MIOS: variants seen among roughly 807,000 people sequenced by gnomAD.
The protein encoded by MIOS is GATOR2 complex protein MIOS.
A neutral mutation model predicts 96.9 loss-of-function variants in MIOS; 52 were observed. That is an observed-to-expected ratio of 0.54 (90% CI 0.43 to 0.68). The LOEUF is 0.68. MIOS is among the 30% of genes least tolerant of loss of function. The pLI is 0.00. For missense variants in MIOS, 1,005 were observed against 1,052.8 expected, an observed-to-expected ratio of 0.95 and a Z score of 0.63; for synonymous variants, 397 against 359.5, an observed-to-expected ratio of 1.10 and a Z score of -1.18.
chr7:7,606,114 G>T, intron 12 of MIOS, 43 bp downstream of exon 12: 1 of 1,597,740 alleles, frequency 6.3e-7, no homozygotes, highest in Non-Finnish European at 8.5e-7. Context: ...GAGTTATGGG[G>T]GATAACACAG....
chr7:7,606,855 G>A, intron 12 of MIOS, 141 bp from the exon 13 acceptor site: 1 of 623,306 alleles, frequency 1.6e-6, no homozygotes, highest in Non-Finnish European at 2.7e-6. Flanking sequence ...GGAGGCTGAG[G>A]CAGGAGGATC....
At chr7:7,594,763 T>C (rs938912937) in intron 9 of MIOS, among the ~76,000 whole-genome samples, 11 of 150,778 alleles carry the variant, frequency 7.3e-5, no homozygotes, top group Middle Eastern at 3.2e-3. Context: ...AGGTATGATA[T>C]ATAAAGTACA....
intron 6 of MIOS, among the ~76,000 whole-genome samples, chr7:7,585,048 A>G (rs1295163565): frequency 1.3e-5 from 2 of 152,162 alleles, no homozygotes; most frequent in African/African-American, 2.4e-5. Flanking sequence ...ACTTATATAC[A>G]TAAGTGTCTG....
chr7:7,571,448 T>C (rs1783351073), intron 3 of MIOS, among the ~76,000 whole-genome samples: 1 of 152,218 alleles, frequency 6.6e-6, no homozygotes. Context: ...GGATGCTTTG[T>C]AGATAAAACA....
Position 7,589,390 on chromosome 7 carries a change from C to G in MIOS, c.1885-15C>G. The G allele has an allele frequency of 6.2e-7, 1 of 1,609,704 alleles. No individual in the cohort carries two copies. On this transcript the variant is annotated splice_polypyrimidine_tract_variant and intron_variant, in intron 8 of 12. Coordinates refer to ENST00000340080, the MANE Select transcript of MIOS (RefSeq NM_019005.4). ...GAAACAGATTGCTTTAGAAAAATCA[C>G]TTTAAATTTTCCAGTTAAATAGATA...
intron 3 of MIOS, among the ~76,000 whole-genome samples, chr7:7,571,699 A>C (rs2348337): frequency 1.3e-5 from 2 of 151,860 alleles, no homozygotes; most frequent in Non-Finnish European, 2.9e-5. Flanking sequence ...CCCACACACA[A>C]TGACTTTTCT....
rs780573329 is a variant in MIOS at position 7,572,645 on chromosome 7, A to C, written c.170A>C (p.Asn57Thr). The C allele has an allele frequency of 1.2e-6, 2 of 1,614,068 alleles. No individual in the cohort carries two copies. The highest frequency in any genetic ancestry group is 1.7e-5 in the Admixed American group (1 of 60,002). ...TCTGCAGCTACATTACTGTCAATAA[A>C]TTCAGATACACCCTATATGAAATGT... ...EDSAATLLSI[N>T]SDTPYMKCVA... The change falls in exon 4 of 13, where the codon AAT (asparagine) becomes ACT (threonine). Residue 57 changes from asparagine to threonine, a missense_variant. Physicochemically the swap from Asn to Thr is moderately conservative, Grantham distance 65. Transcript: ENST00000340080. This position sits in a 1 kb window ranked among gnomAD's most constrained non-coding sequence, Gnocchi z 4.8.
intron 9 of MIOS, among the ~76,000 whole-genome samples, chr7:7,593,825 G>T (rs1784116852): frequency 6.9e-6 from 1 of 144,616 alleles, no homozygotes. Context: ...GTTGCAGTGA[G>T]CCGAGATCGT....
chr7:7,594,311 CTTT>C (rs35612249), intron 9 of MIOS, among the ~76,000 whole-genome samples: 10 of 147,866 alleles, frequency 6.8e-5, no homozygotes, highest in Non-Finnish European at 1.0e-4. Context: ...TGCATTTGGA[CTTT>C]TTTTTTTTTT....
intron 5 of MIOS, among the ~76,000 whole-genome samples, chr7:7,577,433 A>G (rs1323542504): frequency 1.3e-5 from 2 of 152,200 alleles, no homozygotes; most frequent in African/African-American, 4.8e-5. Flanking sequence ...GAATTTGACT[A>G]TATAAAGGAG....
rs371197469 is a variant in MIOS, at chr7:7,603,341, G to T, written c.2402-2601G>T. Among the ~76,000 whole-genome samples the T allele has an allele frequency of 3.2e-3, 491 of 151,878 alleles. 1 individual carries two copies. The highest frequency in any genetic ancestry group is 0.01 in the African/African-American group (432 of 41,444). ...TCTGACAAAGGGCTAATATCCAGAA[G>T]CTACAATGAACTGAAACAAATTTAC... On this transcript the variant is annotated intron_variant, in intron 11 of 12. Coordinates refer to ENST00000340080, the MANE Select transcript of MIOS (RefSeq NM_019005.4).
rs1563015565 is a variant in MIOS, at chr7:7,573,902, GTA to G, written c.1294+134_1294+135del. The G allele has an allele frequency of 2.8e-5, 29 of 1,047,898 alleles. No homozygotes were observed. The highest frequency in any genetic ancestry group is 3.0e-4 in the Middle Eastern group (1 of 3,284). 64.9% of individuals were successfully genotyped at this position (1,047,898 alleles called of 1,614,324 possible). A position where few individuals can be genotyped will look rare whatever the true frequency, so the allele number is the denominator to read the frequency against. The stretch of plus-strand genomic sequence containing the variant: ...AGTTACATAATACTAACATTATAAA[GTA>G]AAATTGTTCTAAACTTTCGAACTTG... On this transcript the variant is annotated intron_variant, in intron 4 of 12. Transcript: ENST00000340080. This position sits in a 1 kb window ranked among gnomAD's most constrained non-coding sequence, Gnocchi z 5.0.
intron 12 of MIOS, among the ~76,000 whole-genome samples, chr7:7,606,477 A>G (rs1392023142): frequency 6.6e-6 from 1 of 152,174 alleles, no homozygotes; most frequent in Non-Finnish European, 1.5e-5. Context: ...TAGTCACGCA[A>G]TTAAGACTGT....
At chr7:7,597,517 T>TATATATATATATA (rs372634070) in intron 11 of MIOS, among the ~76,000 whole-genome samples, 8 of 70,412 alleles carry the variant, frequency 1.1e-4, no homozygotes, top group Non-Finnish European at 1.9e-4. Context: ...TATATATATA[T>TATATATATATATA]GAAGGCAATA....
At chr7:7,593,901 A>AAC (rs376486803) in intron 9 of MIOS, among the ~76,000 whole-genome samples, 23 of 145,038 alleles carry the variant, frequency 1.6e-4, no homozygotes, top group Non-Finnish European at 2.9e-4. Context: ...AAAAAGAAAA[A>AAC]GAAAAGAAAA....
intron 6 of MIOS, among the ~76,000 whole-genome samples, chr7:7,584,360 A>G (rs563200842): frequency 1.4e-4 from 21 of 152,144 alleles, no homozygotes; most frequent in Non-Finnish European, 2.4e-4. Context: ...TGAAAGGGTG[A>G]TACTTTCCTA....
intron 9 of MIOS, among the ~76,000 whole-genome samples, chr7:7,591,257 A>G (rs1431189553): frequency 1.4e-5 from 2 of 145,006 alleles, no homozygotes; most frequent in Non-Finnish European, 3.0e-5. Flanking sequence ...AGCTGTTCTT[A>G]TGCTTGTCTC....
chr7:7,567,614 T>G lies in MIOS; in HGVS notation c.-213T>G, dbSNP rs189873977. ...CCTTTTGTATATTTTAAGGGAAATT[T>G]GGATATGTGCAGTGCATCTCCTCGA... is the stretch of plus-strand genomic sequence containing the variant. On this transcript the variant is annotated 5_prime_UTR_variant, in exon 2 of 13. Transcript: ENST00000340080. 1 of 152,172 alleles carries G rather than the reference T, an allele frequency of 6.6e-6. No individual in the cohort carries two copies. The highest frequency in any genetic ancestry group is 1.5e-5 in the Non-Finnish European group (1 of 68,036). 9.4% of individuals were successfully genotyped at this position (152,172 alleles called of 1,614,324 possible).
At chr7:7,596,698 G>C (rs1012546610) in intron 11 of MIOS, among the ~76,000 whole-genome samples, 2 of 152,104 alleles carry the variant, frequency 1.3e-5, no homozygotes, top group African/African-American at 4.8e-5. Context: ...AAGTTTGTGA[G>C]AAAAACTTAA....
Sources: gnomAD v4.1 joint callset for allele counts (sites outside exome capture counted in the v4.1 genomes callset) on GRCh38, gnomAD v4.1.1 for gene constraint, Gnocchi (gnomAD v3.1) non-coding constraint, MANE v1.5 for transcripts, NCBI Gene and HGNC (gene_info 2026-07-23, HGNC 2026-07-21) for gene names.